DEK: variants seen among roughly 807,000 people sequenced by gnomAD.
DEK encodes the protein DEK proto-oncogene, also known as protein DEK.
A neutral mutation model predicts 46.8 loss-of-function variants in DEK; 28 were observed. The ratio of observed to expected loss-of-function variants is 0.60; its 90% CI spans 0.44 to 0.82. The LOEUF is 0.82. Ranked by LOEUF, DEK falls within the 40% of genes least tolerant of loss-of-function variation. DEK has a pLI of 0.00. For missense variants in DEK, 416 were observed against 430.6 expected (o/e 0.97, Z 0.30); for synonymous variants, 160 against 144.5 (o/e 1.11, Z -0.77).
intron 7 of DEK, among the ~76,000 whole-genome samples, chr6:18,242,767 G>C (rs1452899470): frequency 6.6e-6 from 1 of 152,130 alleles, no homozygotes; most frequent in African/African-American, 2.4e-5. Flanking sequence ...CCAAAGAGAA[G>C]CCATAAAGTG....
Position 18,226,220 on chromosome 6 carries a change from T to A in DEK, c.1070A>T (p.Tyr357Phe). 7.4e-7 allele frequency: 1 copy of A among 1,348,672 alleles called. No individual in the cohort carries two copies. Among genetic ancestry groups the A allele is most frequent in the Non-Finnish European group, 9.9e-7 (1 of 1,010,380 alleles). 83.5% of individuals were successfully genotyped at this position (1,348,672 alleles called of 1,614,324 possible). Residue 357 changes from tyrosine (Y) to phenylalanine (F), a missense_variant, in exon 10 of 11, where the codon TAT becomes TTT. Tyr to Phe is a conservative substitution (Grantham distance 22). Coordinates refer to ENST00000652689, the MANE Select transcript of DEK (RefSeq NM_003472.4). ...GAAATCTTTTCTTTCAGTTAAATCATAAGTAGGATAATTTTCATAGACCTA... is the reference window on the plus strand; with the variant it reads ...GAAATCTTTTCTTTCAGTTAAATCAAAAGTAGGATAATTTTCATAGACCTA... ...CKKVYENYPT[Y>F]DLTERKDFIK...
chr6:18,234,890 A>G (rs894449977), intron 9 of DEK, among the ~76,000 whole-genome samples: 1 of 152,122 alleles, frequency 6.6e-6, no homozygotes, highest in African/African-American at 2.4e-5. Flanking sequence ...CTATTCATTA[A>G]TAACTCTTGC....
At chr6:18,226,384 T>A in intron 9 of DEK, 142 bp from the exon 10 acceptor site, 6 of 628,190 alleles carry the variant, frequency 9.6e-6, no homozygotes, top group South Asian at 3.1e-5. Flanking sequence ...CATATGGAAT[T>A]CTATTCCAAA....
chr6:18,231,179 CG>C (rs1790398976), intron 9 of DEK, among the ~76,000 whole-genome samples: 1 of 152,102 alleles, frequency 6.6e-6, no homozygotes, highest in Non-Finnish European at 1.5e-5. Flanking sequence ...ATGAGAAAAA[CG>C]ACACAACATA....
At chr6:18,227,274 A>C (rs1313731885) in intron 9 of DEK, among the ~76,000 whole-genome samples, 1 of 152,160 alleles carries the variant, frequency 6.6e-6, no homozygotes, top group Non-Finnish European at 1.5e-5. Context: ...GTCTCGGTAT[A>C]AAACCCGATT....
chr6:18,226,208 T>A lies in DEK; in HGVS notation c.1082A>T (p.Glu361Val). The part of the protein sequence containing the change: ...YENYPTYDLT[E>V]RKDFIKTTVK... ...AGTTGTTTTTATGAAATCTTTTCTTTCAGTTAAATCATAAGTAGGATAATT... is the reference window on the plus strand; with the variant it reads ...AGTTGTTTTTATGAAATCTTTTCTTACAGTTAAATCATAAGTAGGATAATT... The change falls in exon 10 of 11, where the codon GAA becomes GTA. Residue 361 changes from glutamate to valine, a missense_variant. By Grantham distance (121) the Glu-to-Val change is moderately radical. Transcript: ENST00000652689. The A allele has an allele frequency of 7.4e-7, 1 of 1,344,594 alleles. No individual in the cohort carries two copies. Among genetic ancestry groups the A allele is most frequent in the Non-Finnish European group, 9.9e-7 (1 of 1,008,608 alleles). 83.3% of individuals were successfully genotyped at this position (1,344,594 alleles called of 1,614,324 possible).
intron 9 of DEK, among the ~76,000 whole-genome samples, chr6:18,231,593 C>A (rs1053356383): frequency 6.6e-6 from 1 of 152,100 alleles, no homozygotes; most frequent in Non-Finnish European, 1.5e-5. Flanking sequence ...AACACCTCTA[C>A]GCAAATAAAC....
At chr6:18,258,816 T>C (rs568822098) in intron 2 of DEK, among the ~76,000 whole-genome samples, 1 of 152,226 alleles carries the variant, frequency 6.6e-6, no homozygotes, top group South Asian at 2.1e-4. Context: ...GACTGGGAGA[T>C]TAAGAACTTC....
intron 6 of DEK, among the ~76,000 whole-genome samples, chr6:18,252,712 A>G (rs1445387796): frequency 6.6e-6 from 1 of 152,054 alleles, no homozygotes; most frequent in Non-Finnish European, 1.5e-5. Flanking sequence ...GGTAGAAACT[A>G]TTTTCATAAT....
At chr6:18,254,420 G>A (rs1791518839) in intron 6 of DEK, among the ~76,000 whole-genome samples, 1 of 152,040 alleles carries the variant, frequency 6.6e-6, no homozygotes, top group Non-Finnish European at 1.5e-5. Context: ...TTTCTCTTAA[G>A]CCAGACATTA....
Position 18,259,420 on chromosome 6 carries a change from A to T in DEK, c.146-1015T>A, listed in dbSNP as rs903762846. Among the ~76,000 whole-genome samples the T allele has an allele frequency of 8.2e-4, 121 of 148,334 alleles. 6 individuals are homozygous for T. Among genetic ancestry groups the T allele is most frequent in the Non-Finnish European group, 6.3e-4 (42 of 67,112 alleles). Reference sequence around the variant, plus strand: ...AAAAAAAAAAAAAAAAAAAAAAAAAAAAAAAAAAAAAAATCTAGAAAACAG... The same window carrying T: ...AAAAAAAAAAAAAAAAAAAAAAAAATAAAAAAAAAAAAATCTAGAAAACAG... On this transcript the variant is annotated intron_variant, in intron 2 of 10. Transcript: ENST00000652689.
intron 9 of DEK, among the ~76,000 whole-genome samples, chr6:18,231,871 A>G (rs1251830445): frequency 6.6e-6 from 1 of 152,240 alleles, no homozygotes; most frequent in African/African-American, 2.4e-5. Flanking sequence ...TTATGAGGCC[A>G]CCATCATCCT....
At chr6:18,233,370 G>A (rs1790495056) in intron 9 of DEK, among the ~76,000 whole-genome samples, 1 of 152,124 alleles carries the variant, frequency 6.6e-6, no homozygotes, top group East Asian at 1.9e-4. Context: ...TTAAACTAAA[G>A]AGGTTCTGCA....
intron 9 of DEK, among the ~76,000 whole-genome samples, chr6:18,228,551 A>G (rs564884833): frequency 6.6e-6 from 1 of 152,146 alleles, no homozygotes; most frequent in South Asian, 2.1e-4. Context: ...CAGCCAACCG[A>G]GCGTGAGCTG....
intron 9 of DEK, among the ~76,000 whole-genome samples, chr6:18,234,794 T>C (rs1790576459): frequency 6.6e-6 from 1 of 152,136 alleles, no homozygotes; most frequent in African/African-American, 2.4e-5. Flanking sequence ...CCATTAAAAA[T>C]ACTTTCTCAC....
chr6:18,240,722 G>A (rs1017545904), intron 7 of DEK, among the ~76,000 whole-genome samples: 2 of 152,188 alleles, frequency 1.3e-5, no homozygotes, highest in African/African-American at 4.8e-5. Flanking sequence ...TTAGGAGGCT[G>A]AGATGGGAGG....
rs113261148 is a variant in DEK at position 18,256,211 on chromosome 6, T to G, written c.452+150A>C. 31 of 621,310 alleles carry G rather than the reference T, an allele frequency of 5.0e-5. 1 individual carries two copies. The highest frequency in any genetic ancestry group is 3.2e-4 in the African/African-American group (17 of 53,204). 38.5% of individuals were successfully genotyped at this position (621,310 alleles called of 1,614,324 possible). A position where few individuals can be genotyped will look rare whatever the true frequency, so the allele number is the denominator to read the frequency against. On this transcript the variant is annotated intron_variant, in intron 5 of 10. Coordinates refer to ENST00000652689, the MANE Select transcript of DEK (RefSeq NM_003472.4). ...CATGTTGGTCAGGCTGGTCTCAAACTCCTGACCTCAGGTGATACGCCCGCC... is the reference window on the plus strand; with the variant it reads ...CATGTTGGTCAGGCTGGTCTCAAACGCCTGACCTCAGGTGATACGCCCGCC...
chr6:18,233,284 G>A (rs554409517), intron 9 of DEK, among the ~76,000 whole-genome samples: 1 of 152,214 alleles, frequency 6.6e-6, no homozygotes, highest in East Asian at 1.9e-4. Context: ...TCAGGACATA[G>A]GCATGGGCAA....
intron 6 of DEK, among the ~76,000 whole-genome samples, chr6:18,254,166 A>C (rs1396792608): frequency 2.0e-5 from 3 of 152,156 alleles, no homozygotes; most frequent in African/African-American, 7.2e-5. Flanking sequence ...CCCCGTCTCT[A>C]TTAAAAAGAC....
Sources: gnomAD v4.1 joint callset for allele counts (sites outside exome capture counted in the v4.1 genomes callset) on GRCh38, gnomAD v4.1.1 for gene constraint, MANE v1.5 for transcripts, NCBI Gene and HGNC (gene_info 2026-07-23, HGNC 2026-07-21) for gene names.